Variants in PCDHA6 observed in about 807,000 individuals in gnomAD.
PCDHA6 encodes the protein protocadherin alpha-6.
PCDHA6 carries 55 observed loss-of-function variants against 60.3 expected under a neutral mutation model. The observed-to-expected ratio is 0.91, with a 90% CI of 0.73 to 1.14. The LOEUF (loss-of-function observed/expected upper bound fraction) is 1.14, where lower values mean the gene tolerates loss of function less well. Among genes scored for constraint, PCDHA6 ranks in the 50% most tolerant of loss-of-function variants. The pLI is 0.00. For synonymous variants in PCDHA6, 652 were observed against 557.9 expected, an observed-to-expected ratio of 1.17 and a Z score of -2.38; for missense variants, 1,327 against 1,256.5, an observed-to-expected ratio of 1.06 and a Z score of -0.85.
At chr5:140,935,676 A>G (rs1168512325) in intron 1 of PCDHA6, among the ~76,000 whole-genome samples, 1 of 152,166 alleles carries the variant, frequency 6.6e-6, no homozygotes, top group Non-Finnish European at 1.5e-5. Context: ...TATGTGAAAT[A>G]TTTACATGGC....
chr5:140,979,882 A>C (rs1554241172), intron 2 of PCDHA6, among the ~76,000 whole-genome samples: 1 of 152,274 alleles, frequency 6.6e-6, no homozygotes, highest in Non-Finnish European at 1.5e-5. Context: ...TATCAAGTGA[A>C]TATTCACCAA....
intron 1 of PCDHA6, chr5:140,857,472 C>A: frequency 6.3e-7 from 1 of 1,598,636 alleles, no homozygotes; most frequent in Non-Finnish European, 8.6e-7. Flanking sequence ...CACATCTTCA[C>A]GGTGTCTGCG....
At chr5:140,970,152 A>G (rs899776182) in intron 1 of PCDHA6, among the ~76,000 whole-genome samples, 22 of 152,224 alleles carry the variant, frequency 1.4e-4, no homozygotes, top group Non-Finnish European at 2.5e-4. Flanking sequence ...AATTCTCCCA[A>G]TAGTCACCTT....
chr5:140,841,896 T>C (rs2150325058), intron 1 of PCDHA6: 14 of 1,613,838 alleles, frequency 8.7e-6, no homozygotes, highest in Non-Finnish European at 1.0e-5. Flanking sequence ...AATAAACTGG[T>C]TGAGCTCGTA....
chr5:140,940,305 A>G (rs2092590184), intron 1 of PCDHA6, among the ~76,000 whole-genome samples: 1 of 152,126 alleles, frequency 6.6e-6, no homozygotes, highest in Non-Finnish European at 1.5e-5. Flanking sequence ...GTAATTTATT[A>G]TCTTTCTTCC....
chr5:140,929,159 A>G lies in PCDHA6; in HGVS notation c.2395-49790A>G, dbSNP rs781818133. The G allele has an allele frequency of 1.7e-5, 27 of 1,613,968 alleles. No homozygotes were observed. Among genetic ancestry groups the G allele is most frequent in the South Asian group, 1.4e-4 (13 of 91,088 alleles). On this transcript the variant is annotated intron_variant, in intron 1 of 3. Coordinates refer to ENST00000529310, the MANE Select transcript of PCDHA6 (RefSeq NM_018909.4). The stretch of plus-strand genomic sequence containing the variant: ...GAGAGACTTTCTCAGACTTATCTCT[A>G]TCGGGCCTCTCTGGGACTTGGTTCT...
At chr5:140,866,680 C>G (rs2049493628) in intron 1 of PCDHA6, 1 of 152,138 alleles carries the variant, frequency 6.6e-6, no homozygotes, top group South Asian at 2.1e-4. Context: ...AGCACTAGGT[C>G]TGTTAGAATA....
chr5:140,904,150 C>A (rs1005130566), intron 1 of PCDHA6, among the ~76,000 whole-genome samples: 1 of 152,036 alleles, frequency 6.6e-6, no homozygotes, highest in African/African-American at 2.4e-5. Flanking sequence ...GTATACATTG[C>A]ACCCAGTTTG....
chr5:140,893,110 G>A (rs2063824937), intron 1 of PCDHA6, among the ~76,000 whole-genome samples: 1 of 152,124 alleles, frequency 6.6e-6, no homozygotes, highest in South Asian at 2.1e-4. Context: ...ATATTCCGTT[G>A]TGCATATACA....
intron 3 of PCDHA6, among the ~76,000 whole-genome samples, chr5:140,992,543 T>G (rs1226407687): frequency 6.6e-6 from 1 of 152,186 alleles, no homozygotes; most frequent in African/African-American, 2.4e-5. Flanking sequence ...CTGTCACAAG[T>G]GATGCCAGGA....
intron 1 of PCDHA6, chr5:140,850,387 T>G: frequency 6.3e-7 from 1 of 1,597,588 alleles, no homozygotes. Flanking sequence ...ACGGGCGAGA[T>G]CAGCACAACG....
intron 1 of PCDHA6, among the ~76,000 whole-genome samples, chr5:140,949,674 C>G (rs2153687219): frequency 6.6e-6 from 1 of 151,738 alleles, no homozygotes; most frequent in South Asian, 2.1e-4. Context: ...AAAGTATGCC[C>G]TTGTTGAAGC....
At chr5:140,850,974 GT>G in intron 1 of PCDHA6, 1 of 1,455,106 alleles carries the variant, frequency 6.9e-7, no homozygotes, top group Non-Finnish European at 9.2e-7. Flanking sequence ...CGTTCAAATA[GT>G]TTTATTCATT....
At chr5:140,884,128 C>A (rs1554181251) in intron 1 of PCDHA6, 1 of 1,613,308 alleles carries the variant, frequency 6.2e-7, no homozygotes, top group Non-Finnish European at 8.5e-7. Flanking sequence ...GCGCGCGCAT[C>A]CCGTTCCGCG....
At chr5:140,913,235 G>A (rs1554195817) in intron 1 of PCDHA6, among the ~76,000 whole-genome samples, 4 of 152,144 alleles carry the variant, frequency 2.6e-5, no homozygotes. Context: ...TTTGCTGGGA[G>A]ACTTTTTGTT....
intron 1 of PCDHA6, among the ~76,000 whole-genome samples, chr5:140,971,016 A>G (rs1554232958): frequency 6.6e-6 from 1 of 152,208 alleles, no homozygotes; most frequent in African/African-American, 2.4e-5. Flanking sequence ...AAGTCTTTAG[A>G]TCGTAGCATT....
intron 1 of PCDHA6, among the ~76,000 whole-genome samples, chr5:140,938,635 G>A (rs1361017966): frequency 6.6e-6 from 1 of 151,982 alleles, no homozygotes; most frequent in Non-Finnish European, 1.5e-5. Context: ...TGCTTATGAT[G>A]TATAATCCTT....
intron 1 of PCDHA6, chr5:140,852,044 T>C (rs1581270101): frequency 2.2e-6 from 2 of 922,218 alleles, no homozygotes; most frequent in South Asian, 5.0e-5. Context: ...GTTTTTGTTA[T>C]GTGGTTTATA....
At chr5:140,966,998 C>A in intron 1 of PCDHA6, 1 of 1,604,774 alleles carries the variant, frequency 6.2e-7, no homozygotes, top group Non-Finnish European at 8.5e-7. Flanking sequence ...GGGTTGCTTG[C>A]GCATCAACCA....
Sources: allele counts gnomAD v4.1 joint callset (sites outside exome capture counted in the v4.1 genomes callset), GRCh38; gene constraint gnomAD v4.1.1; transcripts MANE v1.5; gene names NCBI Gene and HGNC (gene_info 2026-07-23, HGNC 2026-07-21).